The following DYM variants were observed in gnomAD, a reference collection of about 807,000 sequenced individuals.
DYM encodes dyggve-Melchior-Clausen syndrome protein.
Under a neutral mutation model 93.1 loss-of-function variants are expected in DYM, and 78 were observed. The observed-to-expected ratio is 0.84, with a 90% confidence interval of 0.70 to 1.01. The LOEUF is 1.01. Among genes scored for constraint, DYM ranks in the 50% least tolerant of loss-of-function variants. DYM has a pLI of 0.00. For synonymous variants in DYM, 321 were observed against 319.7 expected, an observed-to-expected ratio of 1.00 and a Z score of -0.04; for missense variants, 789 against 845.0, an observed-to-expected ratio of 0.93 and a Z score of 0.82.
intron 13 of DYM, among the ~76,000 whole-genome samples, chr18:49,256,083 C>CAAAAAAAAAA (rs11337971): frequency 1.2e-5 from 1 of 85,924 alleles, no homozygotes. Flanking sequence ...GACTCCATCT[C>CAAAAAAAAAA]AAAAAAAAAA....
intron 16 of DYM, among the ~76,000 whole-genome samples, chr18:49,111,442 G>C (rs546859091): frequency 2.6e-5 from 4 of 152,134 alleles, no homozygotes; most frequent in Non-Finnish European, 5.9e-5. Context: ...ATGCTTGGCT[G>C]AATGTTAGAC....
At chr18:49,382,938 CT>C (rs2068196127) in intron 3 of DYM, among the ~76,000 whole-genome samples, 1 of 152,140 alleles carries the variant, frequency 6.6e-6, no homozygotes. Context: ...CTGAAACAAA[CT>C]TTTCTAAGAT....
At chr18:49,080,295 G>T (rs1357523109) in intron 17 of DYM, among the ~76,000 whole-genome samples, 2 of 133,374 alleles carry the variant, frequency 1.5e-5, no homozygotes, top group East Asian at 4.7e-4. Flanking sequence ...GGGCAGAGGC[G>T]CCCCTCACCT....
At chr18:49,236,897 A>C (rs1360498161) in intron 13 of DYM, among the ~76,000 whole-genome samples, 2 of 152,210 alleles carry the variant, frequency 1.3e-5, no homozygotes, top group African/African-American at 4.8e-5. Flanking sequence ...CCTCATCTTG[A>C]ACTTGCTCCT....
intron 14 of DYM, among the ~76,000 whole-genome samples, chr18:49,199,353 T>C (rs1332897762): frequency 1.3e-5 from 2 of 152,254 alleles, no homozygotes; most frequent in Non-Finnish European, 2.9e-5. Flanking sequence ...GTTGTGCCCA[T>C]GTACCCTAAA....
intron 17 of DYM, among the ~76,000 whole-genome samples, chr18:49,077,509 A>G (rs1313780425): frequency 6.6e-6 from 1 of 152,228 alleles, no homozygotes; most frequent in Non-Finnish European, 1.5e-5. Flanking sequence ...AAGGTGAGGT[A>G]GTTGATAGTC....
At chr18:49,331,843 A>G (rs780504809) in intron 8 of DYM, 21 bp downstream of exon 8, 2 of 1,613,826 alleles carry the variant, frequency 1.2e-6, no homozygotes, top group Non-Finnish European at 8.5e-7. Context: ...CAAAGAATTG[A>G]AAAAATCTGA....
At chr18:49,244,641 A>G (rs1164298407) in intron 13 of DYM, among the ~76,000 whole-genome samples, 4 of 152,202 alleles carry the variant, frequency 2.6e-5, no homozygotes, top group African/African-American at 9.6e-5. Flanking sequence ...ATATTATTGG[A>G]TAACACAAAT....
Position 49,040,600 on chromosome 18 carries a change from T to C in DYM, c.*3455A>G, listed in dbSNP as rs554450107. 6.6e-6 allele frequency among the ~76,000 whole-genome samples: 1 copy of C among 152,206 alleles called. No individual in the cohort carries two copies. The highest frequency in any genetic ancestry group is 1.5e-5 in the Non-Finnish European group (1 of 68,034). The stretch of plus-strand genomic sequence containing the variant: ...GTGATGTAGGACACTGGAATTGTTC[T>C]GAATTTGGAGTCAGAAGGCCTAATA... On this transcript the variant is annotated 3_prime_UTR_variant, in exon 18 of 18. Transcript: ENST00000675505.
Position 49,105,374 on chromosome 18 carries a change from A to AT in DYM, c.1912-7860dup, listed in dbSNP as rs1353546789. 1.2e-4 allele frequency among the ~76,000 whole-genome samples: 18 copies of AT among 152,166 alleles called. No homozygotes were observed. In the South Asian group the frequency reaches 1.7e-3, roughly 14 times the overall value. The stretch of plus-strand genomic sequence containing the variant: ...AAAAAACCAGCTCCTGGATTCATTG[A>AT]TTTTTTGAAGGGTTTTTTGTGTCTC... On this transcript the variant is annotated intron_variant, in intron 16 of 17. Coordinates refer to ENST00000675505, the MANE Select transcript of DYM (RefSeq NM_001353214.3).
chr18:49,360,942 T>C (rs1207930443), intron 6 of DYM, among the ~76,000 whole-genome samples: 2 of 152,208 alleles, frequency 1.3e-5, no homozygotes, highest in East Asian at 3.9e-4. Context: ...AGCCCAAGCA[T>C]TGCCTCCACA....
Position 49,453,194 on chromosome 18 carries a change from G to A in DYM, c.-54+7204C>T. Among the ~76,000 whole-genome samples the A allele has an allele frequency of 2.5e-5, 2 of 78,456 alleles. 1 individual carries two copies. The allele number at this position is 78,456 out of a possible 152,430, so 51.5% of individuals were successfully genotyped here. ...TACTCTGTATCTAGCTAATCTAGGGGGGACTTGGAGAACTTTTGTGTCGAG... is the reference window on the plus strand; with the variant it reads ...TACTCTGTATCTAGCTAATCTAGGGAGGACTTGGAGAACTTTTGTGTCGAG... On this transcript the variant is annotated intron_variant, in intron 1 of 17. Transcript: ENST00000675505.
intron 13 of DYM, among the ~76,000 whole-genome samples, chr18:49,230,001 A>G (rs2093648566): frequency 6.6e-6 from 1 of 152,186 alleles, no homozygotes; most frequent in African/African-American, 2.4e-5. Flanking sequence ...ATATGATAAG[A>G]TTTATGACAA....
chr18:49,092,030 C>T (rs574464517), intron 17 of DYM, among the ~76,000 whole-genome samples: 20 of 152,112 alleles, frequency 1.3e-4, no homozygotes, highest in Middle Eastern at 3.4e-3. Flanking sequence ...ATATCGGAGC[C>T]CATCACATTT....
At chr18:49,119,581 T>C (rs1278208536) in intron 15 of DYM, among the ~76,000 whole-genome samples, 3 of 152,116 alleles carry the variant, frequency 2.0e-5, no homozygotes, top group Non-Finnish European at 2.9e-5. Context: ...TATTTGACAG[T>C]TGAAGCAAAA....
chr18:49,419,091 AG>A (rs562391714), intron 2 of DYM, among the ~76,000 whole-genome samples: 68 of 152,138 alleles, frequency 4.5e-4, no homozygotes, highest in Non-Finnish European at 8.5e-4. Context: ...GGCCAGGCGC[AG>A]TGGCTCACGC....
chr18:49,442,561 A>G (rs918054933), intron 1 of DYM, among the ~76,000 whole-genome samples: 44 of 152,152 alleles, frequency 2.9e-4, no homozygotes, highest in Non-Finnish European at 8.8e-5. Flanking sequence ...AAAAATAAAA[A>G]AAAGAAACTG....
chr18:49,422,493 G>A (rs928851441), intron 2 of DYM, among the ~76,000 whole-genome samples: 4 of 151,998 alleles, frequency 2.6e-5, no homozygotes, highest in Non-Finnish European at 5.9e-5. Context: ...ATCAACTAAA[G>A]GGCAAAATAA....
intron 15 of DYM, among the ~76,000 whole-genome samples, chr18:49,148,621 C>A (rs2085442437): frequency 6.6e-6 from 1 of 152,148 alleles, no homozygotes; most frequent in African/African-American, 2.4e-5. Flanking sequence ...TGCCCAAGCT[C>A]ATAGTAAATT....
Sources: gnomAD v4.1 joint callset for allele counts (sites outside exome capture counted in the v4.1 genomes callset) on GRCh38, gnomAD v4.1.1 for gene constraint, MANE v1.5 for transcripts, NCBI Gene and HGNC (gene_info 2026-07-23, HGNC 2026-07-21) for gene names.